Variants in PTPRF observed in about 807,000 individuals in gnomAD.
PTPRF encodes receptor-type tyrosine-protein phosphatase F.
Under a neutral mutation model 201.8 loss-of-function variants are expected in PTPRF, and 59 were observed. The observed-to-expected ratio is 0.29, with a 90% CI of 0.24 to 0.36. The LOEUF is 0.36. Among genes scored for constraint, PTPRF ranks in the 10% least tolerant of loss-of-function variants. The pLI, the probability that PTPRF is intolerant of heterozygous loss-of-function variation, is 1.00. For synonymous variants in PTPRF, 1,088 were observed against 1,089.7 expected (o/e 1.00, Z 0.03); for missense variants, 2,132 against 2,690.5 (o/e 0.79, Z 4.59).
chr1:43,531,263 C>G (rs900883837), intron 1 of PTPRF, among the ~76,000 whole-genome samples, 173 bp downstream of exon 1: 1 of 149,308 alleles, frequency 6.7e-6, no homozygotes, highest in Non-Finnish European at 1.5e-5. Context: ...TCGGCGAAGC[C>G]CCCCCTCCAC....
At chr1:43,550,867 T>TG (rs1207096549) in intron 3 of PTPRF, among the ~76,000 whole-genome samples, 4 of 151,804 alleles carry the variant, frequency 2.6e-5, no homozygotes, top group African/African-American at 9.7e-5. Context: ...GAAGGATGAA[T>TG]GGAAGTTAGA....
intron 7 of PTPRF, chr1:43,583,077 C>T: frequency 1.0e-6 from 1 of 985,764 alleles, no homozygotes; most frequent in African/African-American, 1.7e-5. Flanking sequence ...ACTCTCATCT[C>T]TCAGATCAGC....
intron 3 of PTPRF, among the ~76,000 whole-genome samples, chr1:43,551,981 C>T (rs1645064455): frequency 6.6e-6 from 1 of 152,134 alleles, no homozygotes; most frequent in East Asian, 1.9e-4. Flanking sequence ...TACCCCGCTC[C>T]CATAGACCCT....
At chr1:43,618,576 T>TG in intron 25 of PTPRF, 54 bp from the exon 26 acceptor site, 1 of 1,566,358 alleles carries the variant, frequency 6.4e-7, no homozygotes, top group Non-Finnish European at 8.7e-7. Context: ...ACCCTGCTTC[T>TG]GCCCGTCTGA....
intron 7 of PTPRF, among the ~76,000 whole-genome samples, chr1:43,582,039 C>G (rs561414206): frequency 6.9e-4 from 105 of 152,308 alleles, no homozygotes; most frequent in African/African-American, 2.4e-3. Flanking sequence ...TTGTCTCCAC[C>G]CATCTGACTC....
rs1309209393 is a variant in PTPRF at position 43,605,269 on chromosome 1, A to T, written c.3215A>T (p.Glu1072Val). The change falls in exon 18 of 34, where the codon GAG becomes GTG. Residue 1072 changes from glutamate to valine, a missense_variant. This residue lies in a region of PTPRF where 818 missense variants were observed against 915.3 expected (regional missense o/e 0.89). Transcript: ENST00000359947. Reference sequence around the variant, plus strand: ...ATCGCAGACCTGCAGCCCAACACAGAGTACTCGTTTGTGCTGATGAACCGT... The same window carrying T: ...ATCGCAGACCTGCAGCCCAACACAGTGTACTCGTTTGTGCTGATGAACCGT... Reference protein sequence around the residue: ...KLIADLQPNTEYSFVLMNRGS... With the variant: ...KLIADLQPNTVYSFVLMNRGS... 6.2e-7 allele frequency: 1 copy of T among 1,612,392 alleles called. No homozygotes were observed. Among genetic ancestry groups the T allele is most frequent in the Non-Finnish European group, 8.5e-7 (1 of 1,178,908 alleles).
At chr1:43,589,673 G>A (rs1197127735) in intron 8 of PTPRF, among the ~76,000 whole-genome samples, 2 of 142,176 alleles carry the variant, frequency 1.4e-5, no homozygotes, top group African/African-American at 5.4e-5. Flanking sequence ...CCCAGTTAAC[G>A]TAGTGAGACC....
Position 43,604,982 on chromosome 1 carries a change from G to A in PTPRF, c.3117G>A (p.Lys1039=). ...GCTGGGAGGTTCCCGACTCCTATAA[G>A]TCAGCTGTGCCCTTTAAGGTGAGTA... The part of the protein sequence containing the change: ...LLSWEVPDSY[K]SAVPFKILYN... The change falls in exon 17 of 34, where the codon AAG becomes AAA. Residue 1039 remains lysine, a synonymous_variant. Coordinates refer to ENST00000359947, the MANE Select transcript of PTPRF (RefSeq NM_002840.5). 6 of 1,614,134 alleles carry A rather than the reference G, an allele frequency of 3.7e-6. No individual in the cohort carries two copies. The highest frequency in any genetic ancestry group is 5.1e-6 in the Non-Finnish European group (6 of 1,180,034).
intron 5 of PTPRF, among the ~76,000 whole-genome samples, chr1:43,560,277 G>C (rs893450376): frequency 1.3e-5 from 2 of 151,328 alleles, no homozygotes; most frequent in Admixed American, 6.6e-5. Flanking sequence ...ATGCGCACAC[G>C]CAACAGGCAC....
rs1162354051 is a variant in PTPRF at position 43,554,552 on chromosome 1, A to T, written c.379+611A>T. Among the ~76,000 whole-genome samples, 2 of 152,056 alleles carry T rather than the reference A, an allele frequency of 1.3e-5. No individual in the cohort carries two copies. Among genetic ancestry groups the T allele is most frequent in the African/African-American group, 4.8e-5 (2 of 41,396 alleles). ...AGGTGCCCAGGCCCAGAAGCAAGAG[A>T]GGATGGAGCTTTCAGAGAGCTCTGA... On this transcript the variant is annotated intron_variant, in intron 5 of 33. Coordinates refer to ENST00000359947, the MANE Select transcript of PTPRF (RefSeq NM_002840.5). The surrounding 1 kb of genome is among the most constrained non-coding windows in gnomAD (Gnocchi z 4.1).
intron 7 of PTPRF, among the ~76,000 whole-genome samples, chr1:43,584,107 G>C (rs1014769138): frequency 5.3e-5 from 8 of 152,118 alleles, no homozygotes; most frequent in African/African-American, 1.9e-4. Context: ...CCCACCCTTG[G>C]AGCCAGACCC....
At chr1:43,599,523 GC>G (rs2154021958) in intron 13 of PTPRF, among the ~76,000 whole-genome samples, 1 of 152,318 alleles carries the variant, frequency 6.6e-6, no homozygotes, top group African/African-American at 2.4e-5. Context: ...TCTGTGAGTA[GC>G]CAAGTAGAGT....
At chr1:43,526,292 A>C (rs533410987), upstream of PTPRF, among the ~76,000 whole-genome samples, 15 of 152,100 alleles carry the variant, frequency 9.9e-5, no homozygotes, top group Non-Finnish European at 1.0e-4. Context: ...GCCGGAAGAA[A>C]TGAAAGGCAT....
At chr1:43,617,975 C>T in intron 25 of PTPRF, 64 bp downstream of exon 25, 2 of 1,505,132 alleles carry the variant, frequency 1.3e-6, no homozygotes, top group South Asian at 1.3e-5. Context: ...TGATACAGGG[C>T]ACCTTCTTCT....
chr1:43,584,248 G>C (rs918091571), intron 7 of PTPRF, among the ~76,000 whole-genome samples: 3 of 152,186 alleles, frequency 2.0e-5, no homozygotes, highest in Admixed American at 2.0e-4. Flanking sequence ...GACAGGCTGA[G>C]CCTCAGGGAG....
At chr1:43,587,225 G>A (rs185562731) in intron 7 of PTPRF, among the ~76,000 whole-genome samples, 8 of 152,350 alleles carry the variant, frequency 5.3e-5, no homozygotes, top group Non-Finnish European at 1.2e-4. Flanking sequence ...AGTGGCATCA[G>A]ATTTGTGCCA....
intron 1 of PTPRF, among the ~76,000 whole-genome samples, chr1:43,533,692 C>T (rs993266051): frequency 2.6e-5 from 4 of 152,180 alleles, no homozygotes; most frequent in Admixed American, 6.5e-5. Context: ...GGCAGTGCAT[C>T]GTCAGCAGTG....
rs1221821276 is a variant in PTPRF, at chr1:43,542,626, C to T, written c.-45-2405C>T. 1.3e-5 allele frequency among the ~76,000 whole-genome samples: 2 copies of T among 152,074 alleles called. No individual in the cohort carries two copies. Among genetic ancestry groups the T allele is most frequent in the Non-Finnish European group, 1.5e-5 (1 of 68,008 alleles). ...GGCTCTCCTGGGAGCTCTGCCCCCA[C>T]CATGAAGTCTGTAACAGCACGTTAC... On this transcript the variant is annotated intron_variant, in intron 2 of 33. Coordinates refer to ENST00000359947, the MANE Select transcript of PTPRF (RefSeq NM_002840.5). The surrounding 1 kb of genome is among the most constrained non-coding windows in gnomAD (Gnocchi z 5.2).
At chr1:43,525,004 C>CGCCCTGT (rs1270424186), upstream of PTPRF, among the ~76,000 whole-genome samples, 10 of 152,144 alleles carry the variant, frequency 6.6e-5, no homozygotes, top group Admixed American at 1.3e-4. Flanking sequence ...GCTTGAGCAC[C>CGCCCTGT]GCCCTGTGAC....
Sources: gnomAD v4.1 joint callset for allele counts (sites outside exome capture counted in the v4.1 genomes callset) on GRCh38, gnomAD v4.1.1 for gene constraint, gnomAD v4.1.1 regional missense constraint, Gnocchi (gnomAD v3.1) non-coding constraint, MANE v1.5 for transcripts, NCBI Gene and HGNC (gene_info 2026-07-23, HGNC 2026-07-21) for gene names.